Variants in ENAM observed in about 807,000 individuals in gnomAD.
ENAM encodes enamelin.
ENAM carries 21 observed loss-of-function variants against 33.6 expected under a neutral mutation model. That is an observed-to-expected ratio of 0.63 (90% CI 0.44 to 0.90). ENAM has a LOEUF of 0.90. Among genes scored for constraint, ENAM ranks in the 40% least tolerant of loss-of-function variants. The probability of loss-of-function intolerance (pLI) is 0.00; values close to 1 mark genes in which losing one functional copy is unlikely to be tolerated. For synonymous variants in ENAM, 473 were observed against 468.4 expected, an observed-to-expected ratio of 1.01 and a Z score of -0.13; for missense variants, 1,388 against 1,366.9, an observed-to-expected ratio of 1.02 and a Z score of -0.24.
In ENAM at chr4:70,643,842, A is replaced by G; in HGVS notation, c.2416A>G (p.Asn806Asp). 1 of 1,614,230 alleles carries G rather than the reference A, an allele frequency of 6.2e-7. No individual in the cohort carries two copies. The highest frequency in any genetic ancestry group is 8.5e-7 in the Non-Finnish European group (1 of 1,180,022). ...APARPPDQKGNQPYYSNTPAG... is the reference protein window; with the variant it reads ...APARPPDQKGDQPYYSNTPAG... ...AGCTAGGCCACCAGACCAGAAAGGT[A>G]ACCAGCCCTATTACAGTAACACCCC... is the stretch of plus-strand genomic sequence containing the variant. The change falls in exon 9 of 9, where the codon AAC becomes GAC. Residue 806 changes from asparagine (N) to aspartate (D), a missense_variant. Transcript: ENST00000396073.
In ENAM at chr4:70,642,358, C is replaced by A. The variant is rs1449623334; in HGVS notation, c.932C>A (p.Pro311Gln). ...CCAGGAAGTCAAATCCCATGGAGAC[C>A]AAGTCAGCCAAATATTCGTGAAAAT... ...GGPGSQIPWR[P>Q]SQPNIRENHP... The change falls in exon 9 of 9, where the codon CCA becomes CAA. Residue 311 changes from proline to glutamine, a missense_variant. Pro to Gln is a moderately conservative substitution (Grantham distance 76). Transcript: ENST00000396073. The A allele has an allele frequency of 1.2e-6, 2 of 1,613,972 alleles. No individual in the cohort carries two copies. The highest frequency in any genetic ancestry group is 2.7e-5 in the African/African-American group (2 of 74,908).
At position 70,632,667 on chromosome 4, in the gene ENAM, A is replaced by G; in HGVS notation, c.185A>G (p.Gln62Arg). The G allele has an allele frequency of 4.4e-6, 7 of 1,605,188 alleles. No homozygotes were observed. Among genetic ancestry groups the G allele is most frequent in the Non-Finnish European group, 6.0e-6 (7 of 1,172,090 alleles). The stretch of plus-strand genomic sequence containing the variant: ...TGGTTGCAGATGATGCGGTATAATC[A>G]ATTCAACTTTATGAACGGCCCACAT... ...SKSEEMMRYN[Q>R]FNFMNGPHMA... is the part of the protein sequence containing the mutation. The change falls in exon 5 of 9, where the codon CAA becomes CGA. Residue 62 changes from glutamine (Q) to arginine (R), a missense_variant. By Grantham distance (43) the Gln-to-Arg change is conservative. Coordinates refer to ENST00000396073, the MANE Select transcript of ENAM (RefSeq NM_031889.3).
rs746634636 is a variant in ENAM, at chr4:70,643,310, T to A, written c.1884T>A (p.Asn628Lys). The change falls in exon 9 of 9, where the codon AAT (asparagine) becomes AAA (lysine). Residue 628 changes from asparagine (N) to lysine (K), a missense_variant. By Grantham distance (94) the Asn-to-Lys change is moderately conservative. Transcript: ENST00000396073. The stretch of plus-strand genomic sequence containing the variant: ...GGGATGAGAGAGATGATTCTCCCAA[T>A]ACTATGGGGCAAAAAGAAAGTCCAC... Reference protein sequence around the residue: ...NTWDERDDSPNTMGQKESPLY... With the variant: ...NTWDERDDSPKTMGQKESPLY... 6.2e-7 allele frequency: 1 copy of A among 1,613,836 alleles called. No individual in the cohort carries two copies. The highest frequency in any genetic ancestry group is 2.2e-5 in the East Asian group (1 of 44,876).
chr4:70,639,288 T>G (rs1203978751), intron 8 of ENAM, among the ~76,000 whole-genome samples: 1 of 152,126 alleles, frequency 6.6e-6, no homozygotes, highest in Non-Finnish European at 1.5e-5. Context: ...TATCACAGGC[T>G]TTAAGAAGCT....
In ENAM at chr4:70,643,843, A is replaced by G. The variant is rs1560405329; in HGVS notation, c.2417A>G (p.Asn806Ser). Reference protein sequence around the residue: ...APARPPDQKGNQPYYSNTPAG... With the variant: ...APARPPDQKGSQPYYSNTPAG... ...GCTAGGCCACCAGACCAGAAAGGTA[A>G]CCAGCCCTATTACAGTAACACCCCA... Residue 806 changes from asparagine to serine, a missense_variant, in exon 9 of 9, where the codon AAC becomes AGC. Transcript: ENST00000396073. 6.2e-7 allele frequency: 1 copy of G among 1,614,220 alleles called. No individual in the cohort carries two copies. Among genetic ancestry groups the G allele is most frequent in the South Asian group, 1.1e-5 (1 of 91,090 alleles).
intron 2 of ENAM, among the ~76,000 whole-genome samples, chr4:70,630,900 C>T (rs892298710): frequency 1.3e-5 from 2 of 152,086 alleles, no homozygotes; most frequent in African/African-American, 2.4e-5. Context: ...AGACACCACA[C>T]CCGGCTAATT....
intron 5 of ENAM, 137 bp downstream of exon 5, chr4:70,632,829 G>C: frequency 1.4e-6 from 1 of 719,696 alleles, no homozygotes; most frequent in Non-Finnish European, 2.5e-6. Flanking sequence ...TTTCAAGGTG[G>C]AAAAATTATT....
intron 4 of ENAM, 86 bp downstream of exon 4, chr4:70,631,979 C>T (rs1738336319): frequency 8.7e-7 from 1 of 1,146,236 alleles, no homozygotes; most frequent in Non-Finnish European, 1.3e-6. Flanking sequence ...AAAATTGTCT[C>T]ATATATAATA....
intron 6 of ENAM, among the ~76,000 whole-genome samples, chr4:70,635,177 G>A (rs758076858): frequency 6.6e-6 from 1 of 152,144 alleles, no homozygotes; most frequent in African/African-American, 2.4e-5. Flanking sequence ...AGGAGTTCAA[G>A]ACCAGCCTGG....
chr4:70,635,952 TTTAAA>T (rs1439106246), intron 7 of ENAM, 58 bp downstream of exon 7: 2 of 901,890 alleles, frequency 2.2e-6, no homozygotes, highest in Non-Finnish European at 3.6e-6. Flanking sequence ...TATGTTATAA[TTTAAA>T]TTAATATAAA....
At chr4:70,630,261 G>A (rs906357410) in intron 2 of ENAM, among the ~76,000 whole-genome samples, 6 of 152,086 alleles carry the variant, frequency 3.9e-5, no homozygotes, top group African/African-American at 1.2e-4. Context: ...ATGCTAAAGC[G>A]TCATTTATGT....
At chr4:70,639,645 G>A (rs1346271840) in intron 8 of ENAM, among the ~76,000 whole-genome samples, 1 of 152,136 alleles carries the variant, frequency 6.6e-6, no homozygotes, top group African/African-American at 2.4e-5. Context: ...GCTCACACCT[G>A]TAATCCCAAC....
intron 8 of ENAM, among the ~76,000 whole-genome samples, chr4:70,640,196 CCTT>C (rs1336105870): frequency 2.6e-5 from 4 of 152,154 alleles, no homozygotes; most frequent in Non-Finnish European, 5.9e-5. Flanking sequence ...TCATTCAAAA[CCTT>C]CACATGGGAG....
rs1400207494 is a variant in ENAM, at chr4:70,642,360, AG to A, written c.935del (p.Ser312IlefsTer14). On this transcript the variant is annotated frameshift_variant, in exon 9 of 9. Coordinates refer to ENST00000396073, the MANE Select transcript of ENAM (RefSeq NM_031889.3). LOFTEE classifies it low-confidence loss of function (END_TRUNC). The part of the protein sequence containing the change: ...GPGSQIPWRP[S>X]QPNIRENHPY... ...AGGAAGTCAAATCCCATGGAGACCA[AG>A]TCAGCCAAATATTCGTGAAAATCAT... is the stretch of plus-strand genomic sequence containing the variant. 3 of 1,614,094 alleles carry A rather than the reference AG, an allele frequency of 1.9e-6. No homozygotes were observed. The highest frequency in any genetic ancestry group is 2.5e-6 in the Non-Finnish European group (3 of 1,180,044).
intron 7 of ENAM, among the ~76,000 whole-genome samples, 178 bp downstream of exon 7, chr4:70,636,072 A>T (rs767775818): frequency 7.9e-5 from 12 of 152,150 alleles, no homozygotes; most frequent in Non-Finnish European, 1.8e-4. Flanking sequence ...TGAATTTCAT[A>T]CTCAGACAAA....
At chr4:70,638,428 G>A (rs181761496) in intron 8 of ENAM, among the ~76,000 whole-genome samples, 11 of 150,116 alleles carry the variant, frequency 7.3e-5, no homozygotes, top group African/African-American at 2.5e-4. Flanking sequence ...AGCTTGACTG[G>A]AGAGTGGGCG....
intron 8 of ENAM, among the ~76,000 whole-genome samples, chr4:70,641,275 G>A (rs1738590799): frequency 6.6e-6 from 1 of 152,106 alleles, no homozygotes; most frequent in Non-Finnish European, 1.5e-5. Flanking sequence ...AGTGTTGTGG[G>A]TTAGAATTAT....
chr4:70,643,912 T>G lies in ENAM; in HGVS notation c.2486T>G (p.Leu829Trp). 6.2e-7 allele frequency: 1 copy of G among 1,614,206 alleles called. No individual in the cohort carries two copies. Among genetic ancestry groups the G allele is most frequent in the African/African-American group, 1.3e-5 (1 of 75,072 alleles). Residue 829 changes from leucine to tryptophan, a missense_variant, in exon 9 of 9, where the codon TTG (leucine) becomes TGG (tryptophan). Transcript: ENST00000396073. ...CCAATATGGCATGAAGGTGAGAATT[T>G]GAACTATGGCATGCAAATAACTAGG... ...KNPIWHEGEN[L>W]NYGMQITRMN...
chr4:70,630,308 G>T (rs1454081885), intron 2 of ENAM, among the ~76,000 whole-genome samples: 1 of 152,058 alleles, frequency 6.6e-6, no homozygotes, highest in Non-Finnish European at 1.5e-5. Context: ...GTGAGCATTG[G>T]CTCCAATTAT....
Sources: gnomAD v4.1 joint callset for allele counts (sites outside exome capture counted in the v4.1 genomes callset) on GRCh38, gnomAD v4.1.1 for gene constraint, MANE v1.5 for transcripts, NCBI Gene and HGNC (gene_info 2026-07-23, HGNC 2026-07-21) for gene names.